Variants in NGLY1 observed in about 807,000 individuals in gnomAD.
NGLY1 encodes peptide-N(4)-(N-acetyl-beta-glucosaminyl)asparagine amidase.
A neutral mutation model predicts 84.6 loss-of-function variants in NGLY1; 68 were observed. The ratio of observed to expected loss-of-function variants is 0.80; its 90% confidence interval spans 0.66 to 0.98. The LOEUF is 0.98. NGLY1 is among the 50% of genes least tolerant of loss of function. The pLI is 0.00. For synonymous variants in NGLY1, 280 were observed against 275.2 expected (o/e 1.02, Z -0.17); for missense variants, 779 against 770.2 (o/e 1.01, Z -0.14).
At position 25,783,394 on chromosome 3, in the gene NGLY1, T is replaced by G. The variant is rs1007037983; in HGVS notation, c.-4A>C. Reference sequence around the variant, plus strand: ...TGCCCAATGCCGCCGCCGCCATGCTTGAGCGCCAGCGGGCGCCGCCGCCGC... The same window carrying G: ...TGCCCAATGCCGCCGCCGCCATGCTGGAGCGCCAGCGGGCGCCGCCGCCGC... On this transcript the variant is annotated 5_prime_UTR_variant, in exon 1 of 12. Coordinates refer to ENST00000280700, the MANE Select transcript of NGLY1 (RefSeq NM_018297.4). This position sits in a 1 kb window ranked among gnomAD's most constrained non-coding sequence, Gnocchi z 4.5. The G allele has an allele frequency of 6.5e-7, 1 of 1,530,630 alleles. No homozygotes were observed. 94.8% of individuals were successfully genotyped at this position (1,530,630 alleles called of 1,614,324 possible). A position where few individuals can be genotyped will look rare whatever the true frequency, so the allele number is the denominator to read the frequency against.
chr3:25,776,503 A>G (rs1473253153), intron 2 of NGLY1, among the ~76,000 whole-genome samples: 1 of 152,236 alleles, frequency 6.6e-6, no homozygotes, highest in Non-Finnish European at 1.5e-5. Flanking sequence ...AGATGACACC[A>G]TAATTTATAT....
chr3:25,773,634 G>C (rs1468067497), intron 2 of NGLY1, among the ~76,000 whole-genome samples: 1 of 151,910 alleles, frequency 6.6e-6, no homozygotes, highest in East Asian at 1.9e-4. Flanking sequence ...ATTTCTTCTT[G>C]GTTTGGATCC....
rs1489838972 is a variant in NGLY1, at chr3:25,783,368, C to A, written c.23G>T (p.Ser8Ile). 1.9e-6 allele frequency: 3 copies of A among 1,550,168 alleles called. No homozygotes were observed. The highest frequency in any genetic ancestry group is 1.4e-5 in the African/African-American group (1 of 71,672). ...GGCCGGGGACGCCGAGCCTGAGGAG[C>A]TGCCCAATGCCGCCGCCGCCATGCT... is the stretch of plus-strand genomic sequence containing the variant. MAAAALG[S>I]SSGSASPAVA... Residue 8 changes from serine (S) to isoleucine (I), a missense_variant, in exon 1 of 12, where the codon AGC (serine) becomes ATC (isoleucine). Coordinates refer to ENST00000280700, the MANE Select transcript of NGLY1 (RefSeq NM_018297.4). This position sits in a 1 kb window ranked among gnomAD's most constrained non-coding sequence, Gnocchi z 4.5.
intron 1 of NGLY1, among the ~76,000 whole-genome samples, chr3:25,782,246 C>T (rs763630404): frequency 2.6e-5 from 4 of 152,124 alleles, no homozygotes; most frequent in Non-Finnish European, 5.9e-5. Flanking sequence ...AATTGGGTCA[C>T]GTGAAACCTA....
Position 25,783,429 on chromosome 3 carries a change from T to G in NGLY1, c.-39A>C, listed in dbSNP as rs1384754345. ...CGGGCGCCGCCGCCGCCCCTCGCTC[T>G]CCGCGTCCCACACTGAGCAGGCGCC... On this transcript the variant is annotated 5_prime_UTR_variant, in exon 1 of 12. Transcript: ENST00000280700. The surrounding 1 kb of genome is among the most constrained non-coding windows in gnomAD (Gnocchi z 4.5). 2 of 1,513,638 alleles carry G rather than the reference T, an allele frequency of 1.3e-6. No homozygotes were observed. Among genetic ancestry groups the G allele is most frequent in the South Asian group, 2.5e-5 (2 of 81,598 alleles). 93.8% of individuals were successfully genotyped at this position (1,513,638 alleles called of 1,614,324 possible).
intron 11 of NGLY1, 103 bp downstream of exon 11, chr3:25,719,911 A>G (rs1480331281): frequency 2.8e-5 from 28 of 1,016,084 alleles, no homozygotes; most frequent in Non-Finnish European, 3.6e-5. Flanking sequence ...AATAGTATTA[A>G]TAACTCTTAG....
Position 25,732,389 on chromosome 3 carries a change from G to C in NGLY1, c.1355C>G (p.Pro452Arg), listed in dbSNP as rs187892679. Residue 452 changes from proline to arginine, a missense_variant, in exon 9 of 12, where the codon CCT (proline) becomes CGT (arginine). Physicochemically the swap from Pro to Arg is moderately radical, Grantham distance 103. Transcript: ENST00000280700. ...VEFISPKTPK[P>R]GELGGRISGS... The stretch of plus-strand genomic sequence containing the variant: ...AGATATTCTTCCCCCAAGTTCTCCA[G>C]GTTTAGGGGTTTTGGGAGATATAAA... The C allele has an allele frequency of 1.4e-5, 23 of 1,613,798 alleles. No homozygotes were observed. In the East Asian group the frequency reaches 4.9e-4, roughly 34 times the overall value.
chr3:25,735,847 G>T, intron 7 of NGLY1, 157 bp downstream of exon 7: 1 of 637,804 alleles, frequency 1.6e-6, no homozygotes. Flanking sequence ...ATACTGATTT[G>T]CAGTGATGAT....
rs187490463 is a variant in NGLY1, at chr3:25,749,626, T to C, written c.658+1472A>G. The C allele has an allele frequency of 2.3e-4, 344 of 1,465,084 alleles. 2 individuals are homozygous for C. In the East Asian group the frequency reaches 6.7e-3, roughly 29 times the overall value. The allele number at this position is 1,465,084 out of a possible 1,614,324, so 90.8% of individuals were successfully genotyped here. A position where few individuals can be genotyped will look rare whatever the true frequency, so the allele number is the denominator to read the frequency against. ...CCAGAGGTATTGACGACAGGGTTCATAGAAGGTTCAAGAGCCAGATCTTGA... is the reference window on the plus strand; with the variant it reads ...CCAGAGGTATTGACGACAGGGTTCACAGAAGGTTCAAGAGCCAGATCTTGA... On this transcript the variant is annotated intron_variant, in intron 4 of 11. Coordinates refer to ENST00000280700, the MANE Select transcript of NGLY1 (RefSeq NM_018297.4).
chr3:25,733,145 GT>G (rs1472968136), intron 8 of NGLY1, among the ~76,000 whole-genome samples: 1 of 152,112 alleles, frequency 6.6e-6, no homozygotes, highest in African/African-American at 2.4e-5. Context: ...AATAATCCAG[GT>G]TTTCAGGTAG....
At chr3:25,727,103 T>C (rs1203841432) in intron 10 of NGLY1, among the ~76,000 whole-genome samples, 1 of 152,186 alleles carries the variant, frequency 6.6e-6, no homozygotes, top group Non-Finnish European at 1.5e-5. Context: ...GGCATGCTAG[T>C]ACAGAACCAG....
intron 3 of NGLY1, among the ~76,000 whole-genome samples, chr3:25,757,618 A>G (rs558669540): frequency 7.2e-5 from 11 of 152,258 alleles, no homozygotes; most frequent in Non-Finnish European, 1.6e-4. Flanking sequence ...ATCACTGACC[A>G]TAGTAAGAAT....
At chr3:25,773,782 G>T (rs188212055) in intron 2 of NGLY1, among the ~76,000 whole-genome samples, 44 of 152,324 alleles carry the variant, frequency 2.9e-4, no homozygotes, top group Non-Finnish European at 1.8e-4. Context: ...AAGGGCTGCT[G>T]TTCAGATTCT....
chr3:25,739,543 A>G, intron 5 of NGLY1, 34 bp downstream of exon 5: 2 of 1,577,420 alleles, frequency 1.3e-6, no homozygotes, highest in Non-Finnish European at 1.7e-6. Flanking sequence ...TTTCATTAAG[A>G]GATTATTCTG....
At chr3:25,728,686 A>G (rs1253640892) in intron 10 of NGLY1, among the ~76,000 whole-genome samples, 2 of 152,116 alleles carry the variant, frequency 1.3e-5, no homozygotes, top group Non-Finnish European at 2.9e-5. Context: ...AATGCCTGTT[A>G]GATGTTTAGC....
intron 11 of NGLY1, 132 bp downstream of exon 11, chr3:25,719,882 A>T (rs1040306744): frequency 2.4e-4 from 145 of 597,986 alleles, no homozygotes; most frequent in Middle Eastern, 5.0e-4. Flanking sequence ...GGTTTATTAA[A>T]TTTTTTTTTT....
intron 7 of NGLY1, chr3:25,735,502 A>C (rs1338368418): frequency 6.6e-6 from 1 of 152,578 alleles, no homozygotes; most frequent in African/African-American, 2.4e-5. Flanking sequence ...ACACCTATTA[A>C]AGGGGATAAA....
rs1424630372 is a variant in NGLY1, at chr3:25,749,784, T to C, written c.658+1314A>G. On this transcript the variant is annotated intron_variant, in intron 4 of 11. Transcript: ENST00000280700. ...TGCAACAAAACTTACTGTGCTGAGA[T>C]TGCTCACAATGTTTCCTCCAAGAAC... 5.2e-6 allele frequency: 7 copies of C among 1,354,294 alleles called. No individual in the cohort carries two copies. In the East Asian group the frequency reaches 9.2e-5, roughly 18 times the overall value. 83.9% of individuals were successfully genotyped at this position (1,354,294 alleles called of 1,614,324 possible).
chr3:25,785,369 T>TG (rs895476621), upstream of NGLY1, among the ~76,000 whole-genome samples: 12 of 152,166 alleles, frequency 7.9e-5, no homozygotes, highest in African/African-American at 2.9e-4. Context: ...CACAATGGAT[T>TG]GGGGGCTTGG....
Sources: gnomAD v4.1 joint callset for allele counts (sites outside exome capture counted in the v4.1 genomes callset) on GRCh38, gnomAD v4.1.1 for gene constraint, Gnocchi (gnomAD v3.1) non-coding constraint, MANE v1.5 for transcripts, NCBI Gene and HGNC (gene_info 2026-07-23, HGNC 2026-07-21) for gene names.